KHDRBS3: variants seen among roughly 807,000 people sequenced by gnomAD.
KHDRBS3 encodes KH domain-containing, RNA-binding, signal transduction-associated protein 3.
KHDRBS3 carries 23 observed loss-of-function variants against 45.6 expected under a neutral mutation model. The observed-to-expected ratio is 0.50, with a 90% confidence interval of 0.36 to 0.72. The LOEUF is 0.72. KHDRBS3 is among the 30% of genes least tolerant of loss of function. The pLI, the probability that KHDRBS3 is intolerant of heterozygous loss-of-function variation, is 0.00. For missense variants in KHDRBS3, 352 were observed against 424.8 expected (o/e 0.83, Z 1.51); for synonymous variants, 162 against 156.5 (o/e 1.04, Z -0.26).
At chr8:135,502,562 A>T (rs765017036) in intron 1 of KHDRBS3, among the ~76,000 whole-genome samples, 1 of 152,186 alleles carries the variant, frequency 6.6e-6, no homozygotes, top group Non-Finnish European at 1.5e-5. Flanking sequence ...TATACTTTAC[A>T]TTGTGAGTAT....
At chr8:135,556,747 C>T (rs1391076891) in intron 4 of KHDRBS3, among the ~76,000 whole-genome samples, 1 of 152,076 alleles carries the variant, frequency 6.6e-6, no homozygotes, top group Non-Finnish European at 1.5e-5. Context: ...TTTAAATTTA[C>T]CCATGTCTTA....
intron 6 of KHDRBS3, among the ~76,000 whole-genome samples, chr8:135,596,703 ATG>A (rs1828988028): frequency 6.6e-6 from 1 of 152,242 alleles, no homozygotes; most frequent in African/African-American, 2.4e-5. Context: ...TAAAAAATAA[ATG>A]TGATGATTTA....
At chr8:135,602,225 C>A (rs1256307911) in intron 6 of KHDRBS3, among the ~76,000 whole-genome samples, 3 of 152,230 alleles carry the variant, frequency 2.0e-5, no homozygotes, top group Non-Finnish European at 2.9e-5. Flanking sequence ...TTTGCAGTCA[C>A]ACTCAGCTTT....
chr8:135,647,856 G>A (rs1242909864), downstream of KHDRBS3: 1 of 152,110 alleles, frequency 6.6e-6, no homozygotes, highest in Non-Finnish European at 1.5e-5. Flanking sequence ...GTTAAACTAC[G>A]CAAAACCAAA....
At chr8:135,606,784 G>A (rs1271757003) in intron 6 of KHDRBS3, among the ~76,000 whole-genome samples, 171 bp from the exon 7 acceptor site, 1 of 152,158 alleles carries the variant, frequency 6.6e-6, no homozygotes, top group East Asian at 1.9e-4. Flanking sequence ...CTTTTGTAGA[G>A]AGAATGTGTG....
intron 7 of KHDRBS3, among the ~76,000 whole-genome samples, chr8:135,628,657 A>G (rs1281999559): frequency 1.3e-5 from 2 of 152,184 alleles, no homozygotes; most frequent in Non-Finnish European, 1.5e-5. Flanking sequence ...CCACATGCCC[A>G]TCATCTAGCA....
At chr8:135,461,229 C>T (rs890825700) in intron 1 of KHDRBS3, among the ~76,000 whole-genome samples, 7 of 152,162 alleles carry the variant, frequency 4.6e-5, no homozygotes, top group African/African-American at 7.2e-5. Context: ...CTCAGCCTCC[C>T]GAGTAGCTGG....
chr8:135,581,880 G>T lies in KHDRBS3; in HGVS notation c.614G>T (p.Gly205Val), dbSNP rs1021171704. Residue 205 changes from glycine to valine, a missense_variant and splice_region_variant, in exon 6 of 9, where the codon GGA becomes GTA. Gly to Val is a moderately radical substitution (Grantham distance 109, BLOSUM62 -3). Coordinates refer to ENST00000355849, the MANE Select transcript of KHDRBS3 (RefSeq NM_006558.3). Reference protein sequence around the residue: ...RGVPAPAITRGRGGVTARPVG... With the variant: ...RGVPAPAITRVRGGVTARPVG... ...TAATTTGACTCTCTTGGTTACAGGG[G>T]AAGGGGAGGAGTTACAGCCCGGCCA... is the stretch of plus-strand genomic sequence containing the variant. 1 of 1,583,314 alleles carries T rather than the reference G, an allele frequency of 6.3e-7. No homozygotes were observed. Among genetic ancestry groups the T allele is most frequent in the Non-Finnish European group, 8.6e-7 (1 of 1,160,254 alleles).
intron 7 of KHDRBS3, among the ~76,000 whole-genome samples, chr8:135,635,850 A>G (rs1344247973): frequency 2.0e-5 from 3 of 152,366 alleles, no homozygotes; most frequent in Middle Eastern, 3.4e-3. Flanking sequence ...CATTATGCGT[A>G]TCTTCAAAGT....
At chr8:135,526,083 A>C (rs1825168415) in intron 2 of KHDRBS3, among the ~76,000 whole-genome samples, 2 of 152,154 alleles carry the variant, frequency 1.3e-5, no homozygotes, top group Admixed American at 1.3e-4. Flanking sequence ...TTTGTAGCCT[A>C]GGAACAATAG....
chr8:135,480,275 G>A (rs1310468981), intron 1 of KHDRBS3, among the ~76,000 whole-genome samples: 13 of 152,094 alleles, frequency 8.5e-5, no homozygotes, highest in Non-Finnish European at 1.9e-4. Flanking sequence ...CATTGTCTTG[G>A]AGAGTCTAGT....
intron 2 of KHDRBS3, among the ~76,000 whole-genome samples, chr8:135,531,061 C>T (rs1378659642): frequency 6.6e-6 from 1 of 152,176 alleles, no homozygotes; most frequent in Non-Finnish European, 1.5e-5. Flanking sequence ...AGCTTGTCCT[C>T]CACACACTTC....
chr8:135,544,113 C>G (rs1384965679), intron 3 of KHDRBS3, among the ~76,000 whole-genome samples: 1 of 152,050 alleles, frequency 6.6e-6, no homozygotes, highest in African/African-American at 2.4e-5. Flanking sequence ...AGTACTCTAC[C>G]CTTGCTGATA....
At chr8:135,611,980 C>T (rs181537157) in intron 7 of KHDRBS3, among the ~76,000 whole-genome samples, 6 of 151,888 alleles carry the variant, frequency 4.0e-5, no homozygotes, top group Non-Finnish European at 8.8e-5. Flanking sequence ...CTTAGGTTTC[C>T]TTTGTGCTTG....
rs1829497226 is a variant in KHDRBS3, at chr8:135,607,056, T to C, written c.890+19T>C. 1 of 1,578,054 alleles carries C rather than the reference T, an allele frequency of 6.3e-7. No individual in the cohort carries two copies. Among genetic ancestry groups the C allele is most frequent in the African/African-American group, 1.3e-5 (1 of 74,202 alleles). The stretch of plus-strand genomic sequence containing the variant: ...CCCAAAGGTAAGAGTCAGTCTTTAT[T>C]ACCAGACCCCACAACAGAAACCATC... On this transcript the variant is annotated intron_variant, in intron 7 of 8. Coordinates refer to ENST00000355849, the MANE Select transcript of KHDRBS3 (RefSeq NM_006558.3).
At chr8:135,495,544 C>G (rs140216829) in intron 1 of KHDRBS3, among the ~76,000 whole-genome samples, 1 of 152,346 alleles carries the variant, frequency 6.6e-6, no homozygotes, top group East Asian at 1.9e-4. Flanking sequence ...ACGATATTTT[C>G]TTCTTCCAGA....
chr8:135,545,744 C>G (rs1386957309), intron 3 of KHDRBS3, among the ~76,000 whole-genome samples: 1 of 152,204 alleles, frequency 6.6e-6, no homozygotes, highest in African/African-American at 2.4e-5. Flanking sequence ...TTGTCCCATA[C>G]TGCGCTGTAG....
intron 2 of KHDRBS3, chr8:135,539,432 T>C (rs1245714143): frequency 1.3e-5 from 2 of 152,288 alleles, no homozygotes; most frequent in Non-Finnish European, 2.9e-5. Flanking sequence ...ATTTTCAGTG[T>C]GGTGGCTCCC....
intron 5 of KHDRBS3, among the ~76,000 whole-genome samples, chr8:135,574,332 C>A (rs1365625692): frequency 6.6e-6 from 1 of 152,094 alleles, no homozygotes; most frequent in East Asian, 1.9e-4. Flanking sequence ...AATTTCAGCA[C>A]CTAAAAAACT....
Sources: gnomAD v4.1 joint callset for allele counts (sites outside exome capture counted in the v4.1 genomes callset) on GRCh38, gnomAD v4.1.1 for gene constraint, MANE v1.5 for transcripts, NCBI Gene and HGNC (gene_info 2026-07-23, HGNC 2026-07-21) for gene names.